Variants in CSMD1 observed in about 807,000 individuals in gnomAD.
CSMD1 encodes the protein CUB and sushi domain-containing protein 1.
CSMD1 carries 213 observed loss-of-function variants against 417.5 expected under a neutral mutation model. The observed-to-expected ratio is 0.51, with a 90% CI of 0.46 to 0.57. The LOEUF is 0.57. Ranked by LOEUF, CSMD1 falls within the 20% of genes least tolerant of loss-of-function variation. CSMD1 has a pLI of 0.00. For synonymous variants in CSMD1, 2,862 were observed against 1,736.8 expected, an observed-to-expected ratio of 1.65 and a Z score of -16.11; for missense variants, 6,923 against 4,529.7, an observed-to-expected ratio of 1.53 and a Z score of -15.17.
At chr8:3,498,597 C>A (rs1392961574) in intron 10 of CSMD1, among the ~76,000 whole-genome samples, 2 of 152,166 alleles carry the variant, frequency 1.3e-5, no homozygotes, top group African/African-American at 4.8e-5. Flanking sequence ...ATATCCTACA[C>A]CTTTCTGATC....
chr8:3,996,253 G>T (rs928465655), intron 5 of CSMD1, among the ~76,000 whole-genome samples: 1 of 152,114 alleles, frequency 6.6e-6, no homozygotes, highest in South Asian at 2.1e-4. Flanking sequence ...CCTCTGGACT[G>T]TCCTAAAAAT....
chr8:4,276,490 C>T (rs566972203), intron 3 of CSMD1, among the ~76,000 whole-genome samples: 1 of 152,110 alleles, frequency 6.6e-6, no homozygotes, highest in Non-Finnish European at 1.5e-5. Context: ...ATACCTAATA[C>T]AGATGACGGG....
chr8:3,487,214 G>C (rs114080245), intron 11 of CSMD1, among the ~76,000 whole-genome samples: 1 of 106,390 alleles, frequency 9.4e-6, no homozygotes, highest in Non-Finnish European at 2.0e-5. Context: ...TATTTATTTA[G>C]TTTTTGAGAC....
intron 55 of CSMD1, among the ~76,000 whole-genome samples, chr8:2,976,597 C>T (rs1253281261): frequency 1.3e-5 from 2 of 152,172 alleles, no homozygotes; most frequent in Admixed American, 1.3e-4. Flanking sequence ...GATCCACCTT[C>T]CCTGGCCTCC....
At chr8:3,068,273 G>A (rs1420652683) in intron 49 of CSMD1, among the ~76,000 whole-genome samples, 2 of 151,842 alleles carry the variant, frequency 1.3e-5, no homozygotes, top group Non-Finnish European at 2.9e-5. Context: ...TTTGCAGTAT[G>A]TTGAATCCCA....
rs151222296 is a variant in CSMD1, at chr8:4,022,763, C to T, written c.610+9142G>A. On this transcript the variant is annotated intron_variant, in intron 4 of 69. Coordinates refer to ENST00000635120, the MANE Select transcript of CSMD1 (RefSeq NM_033225.6). ...ACAGACAACTAGAAACTTTGGGAAT[C>T]AGAGAAAACAATTGTATTCCACATA... Among the ~76,000 whole-genome samples the T allele has an allele frequency of 2.0e-5, 3 of 152,194 alleles. No individual in the cohort carries two copies. In the East Asian group the frequency reaches 5.8e-4, roughly 29 times the overall value.
At chr8:4,451,596 C>T (rs1799148075) in intron 2 of CSMD1, among the ~76,000 whole-genome samples, 1 of 152,006 alleles carries the variant, frequency 6.6e-6, no homozygotes, top group Non-Finnish European at 1.5e-5. Flanking sequence ...AAAAAGAAGA[C>T]CATTTTAGAG....
chr8:3,272,197 C>T (rs1198095786), intron 26 of CSMD1, among the ~76,000 whole-genome samples: 1 of 146,790 alleles, frequency 6.8e-6, no homozygotes, highest in Non-Finnish European at 1.5e-5. Context: ...AATGCTTTCC[C>T]CATTGCTTGT....
At chr8:4,845,742 C>T (rs769415819) in intron 1 of CSMD1, among the ~76,000 whole-genome samples, 9 of 152,230 alleles carry the variant, frequency 5.9e-5, no homozygotes, top group Admixed American at 3.3e-4. Context: ...GAGCACTGGC[C>T]GGTGCTCAGG....
chr8:3,643,647 G>A (rs1207096365), intron 7 of CSMD1, among the ~76,000 whole-genome samples: 1 of 145,092 alleles, frequency 6.9e-6, no homozygotes, highest in Non-Finnish European at 1.5e-5. Flanking sequence ...CTTGCAGTGA[G>A]CCGAGATCGC....
intron 3 of CSMD1, among the ~76,000 whole-genome samples, chr8:4,310,402 C>G (rs1355306162): frequency 2.6e-5 from 4 of 152,132 alleles, no homozygotes; most frequent in African/African-American, 9.7e-5. Context: ...GATGCCCAGT[C>G]ATTTAAACAT....
rs1044364353 is a variant in CSMD1, at chr8:3,350,163, G to C, written c.3305-2002C>G. Among the ~76,000 whole-genome samples, 7 of 122,844 alleles carry C rather than the reference G, an allele frequency of 5.7e-5. 2 individuals are homozygous for C. The highest frequency in any genetic ancestry group is 2.2e-4 in the African/African-American group (7 of 31,684). The allele number at this position is 122,844 out of a possible 152,430, so 80.6% of individuals were successfully genotyped here. ...CCTATAATAACTTGTGTATGTGTGT[G>C]TTATAATACCTATAATAACCTATAA... On this transcript the variant is annotated intron_variant, in intron 21 of 69. Transcript: ENST00000635120.
intron 5 of CSMD1, among the ~76,000 whole-genome samples, chr8:3,826,761 G>A (rs554510782): frequency 6.6e-6 from 1 of 151,954 alleles, no homozygotes; most frequent in Non-Finnish European, 1.5e-5. Flanking sequence ...TCACTTATAA[G>A]CATTGAACAT....
chr8:3,507,025 T>C (rs1386900408), intron 10 of CSMD1, among the ~76,000 whole-genome samples: 2 of 152,204 alleles, frequency 1.3e-5, no homozygotes, highest in African/African-American at 4.8e-5. Flanking sequence ...TTGTAAGAAT[T>C]GAACAAACGT....
At chr8:3,585,765 T>A (rs1393578056) in intron 9 of CSMD1, among the ~76,000 whole-genome samples, 2 of 152,136 alleles carry the variant, frequency 1.3e-5, no homozygotes, top group Non-Finnish European at 2.9e-5. Flanking sequence ...CTCACTGCAA[T>A]AGGAAAGTGA....
In CSMD1 at chr8:4,748,390, A is replaced by C. The variant is rs1811090679; in HGVS notation, c.86-110832T>G. On this transcript the variant is annotated intron_variant, in intron 1 of 69. Transcript: ENST00000635120. The stretch of plus-strand genomic sequence containing the variant: ...TTTTCTGCTCCTTTGAATACTTTTT[A>C]AATCTGAAACTAAGGAAGTCACATT... 2.6e-5 allele frequency among the ~76,000 whole-genome samples: 4 copies of C among 152,328 alleles called. No individual in the cohort carries two copies. The South Asian group carries it at 6.2e-4, about 24-fold the overall frequency.
intron 3 of CSMD1, among the ~76,000 whole-genome samples, chr8:4,079,222 GA>G (rs1170786829): frequency 6.6e-6 from 1 of 152,112 alleles, no homozygotes; most frequent in African/African-American, 2.4e-5. Context: ...TGTTTGGTGG[GA>G]AACAACTGAA....
chr8:3,785,090 G>C (rs1416314583), intron 5 of CSMD1, among the ~76,000 whole-genome samples: 1 of 152,188 alleles, frequency 6.6e-6, no homozygotes, highest in East Asian at 1.9e-4. Context: ...TTTGGGTCAA[G>C]ATTGACTGAA....
At chr8:3,730,747 A>G (rs1325240252) in intron 6 of CSMD1, among the ~76,000 whole-genome samples, 2 of 152,210 alleles carry the variant, frequency 1.3e-5, no homozygotes, top group Admixed American at 1.3e-4. Flanking sequence ...TTCTATGCAG[A>G]TAGGACCAGA....
Sources: gnomAD v4.1 joint callset for allele counts (sites outside exome capture counted in the v4.1 genomes callset) on GRCh38, gnomAD v4.1.1 for gene constraint, MANE v1.5 for transcripts, NCBI Gene and HGNC (gene_info 2026-07-23, HGNC 2026-07-21) for gene names.